The following AUTS2 variants were observed in gnomAD, a reference collection of about 807,000 sequenced individuals.
AUTS2 encodes the protein autism susceptibility gene 2 protein.
AUTS2 carries 17 observed loss-of-function variants against 112.4 expected under a neutral mutation model. The ratio of observed to expected loss-of-function variants is 0.15; its 90% CI spans 0.10 to 0.23. AUTS2 has a LOEUF of 0.23. Among genes scored for constraint, AUTS2 ranks in the 10% least tolerant of loss-of-function variants. The pLI, the probability that AUTS2 is intolerant of heterozygous loss-of-function variation, is 1.00. For missense variants in AUTS2, 1,510 were observed against 1,701.6 expected (o/e 0.89, Z 1.98); for synonymous variants, 751 against 702.7 (o/e 1.07, Z -1.09).
chr7:70,017,923 A>G (rs776123410), intron 2 of AUTS2, among the ~76,000 whole-genome samples: 2 of 151,056 alleles, frequency 1.3e-5, no homozygotes, highest in Non-Finnish European at 2.9e-5. Flanking sequence ...GATGTTGACA[A>G]TTTTGAAAGA....
At chr7:70,619,295 G>T (rs1018695530) in intron 5 of AUTS2, among the ~76,000 whole-genome samples, 1 of 152,194 alleles carries the variant, frequency 6.6e-6, no homozygotes, top group Non-Finnish European at 1.5e-5. Context: ...TATCCTTCAC[G>T]GAAAGGCAGA....
chr7:69,660,157 G>T (rs1795728808), intron 1 of AUTS2, among the ~76,000 whole-genome samples: 1 of 152,174 alleles, frequency 6.6e-6, no homozygotes, highest in Admixed American at 6.5e-5. Context: ...CTTTGGGTTT[G>T]TTGGAAGACT....
rs79079770 is a variant in AUTS2 at position 70,390,603 on chromosome 7, A to T, written c.661-45149A>T. Among the ~76,000 whole-genome samples, 4 of 151,984 alleles carry T rather than the reference A, an allele frequency of 2.6e-5. No homozygotes were observed. In the South Asian group the frequency reaches 6.2e-4, roughly 24 times the overall value. ...GACTTGAAATGTTATAATTACAGGC[A>T]TGAGGAGAGTTGAAGGAAAACAAAT... On this transcript the variant is annotated intron_variant, in intron 4 of 18. Coordinates refer to ENST00000342771, the MANE Select transcript of AUTS2 (RefSeq NM_015570.4).
At chr7:69,647,460 C>T (rs951122841) in intron 1 of AUTS2, among the ~76,000 whole-genome samples, 6 of 152,016 alleles carry the variant, frequency 3.9e-5, no homozygotes, top group African/African-American at 1.4e-4. Flanking sequence ...GAGTGATCCT[C>T]CCATCTCAGC....
chr7:70,367,142 C>T (rs538403506), intron 4 of AUTS2, among the ~76,000 whole-genome samples: 5 of 152,080 alleles, frequency 3.3e-5, no homozygotes, highest in African/African-American at 7.2e-5. Flanking sequence ...AAAAATTAGC[C>T]GGGTGTGGTC....
chr7:70,152,284 G>A (rs780643758), intron 4 of AUTS2, among the ~76,000 whole-genome samples: 3 of 152,014 alleles, frequency 2.0e-5, no homozygotes, highest in Non-Finnish European at 2.9e-5. Context: ...GATGAAAATA[G>A]TGCAGAACAT....
chr7:70,730,228 T>C (rs201165857), intron 6 of AUTS2, among the ~76,000 whole-genome samples: 2 of 143,108 alleles, frequency 1.4e-5, no homozygotes, highest in Non-Finnish European at 3.0e-5. Context: ...TTTTTTTTTT[T>C]GTTTTTTGTT....
chr7:70,277,974 G>A (rs1788016960), intron 4 of AUTS2, among the ~76,000 whole-genome samples: 1 of 151,862 alleles, frequency 6.6e-6, no homozygotes, highest in African/African-American at 2.4e-5. Flanking sequence ...GTGTGTGTGT[G>A]TGTGTGTGTA....
intron 1 of AUTS2, among the ~76,000 whole-genome samples, chr7:69,648,447 G>A (rs1175116173): frequency 2.1e-5 from 3 of 145,264 alleles, no homozygotes; most frequent in African/African-American, 2.6e-5. Context: ...TTAGAATTCA[G>A]TAACTTTAAA....
At chr7:70,088,605 G>GT (rs150675458) in intron 2 of AUTS2, among the ~76,000 whole-genome samples, 11,396 of 146,008 alleles carry the variant, frequency 0.078, 567 homozygotes, top group Middle Eastern at 0.13. Context: ...TTGTTTGTTT[G>GT]TTTGTTTTGT....
intron 4 of AUTS2, among the ~76,000 whole-genome samples, chr7:70,371,241 T>A (rs188737090): frequency 1.3e-5 from 2 of 152,344 alleles, no homozygotes; most frequent in Admixed American, 1.3e-4. Context: ...ATAAGAATGT[T>A]TGGGGATATA....
chr7:69,862,130 C>T (rs1384782902), intron 1 of AUTS2, among the ~76,000 whole-genome samples: 1 of 152,192 alleles, frequency 6.6e-6, no homozygotes, highest in African/African-American at 2.4e-5. Context: ...TATTTTACCT[C>T]CTGATGTCTG....
At chr7:70,585,080 G>A (rs1802620113) in intron 5 of AUTS2, among the ~76,000 whole-genome samples, 1 of 152,148 alleles carries the variant, frequency 6.6e-6, no homozygotes, top group African/African-American at 2.4e-5. Context: ...AAATCTGAGG[G>A]GTGTGTTGGT....
intron 1 of AUTS2, among the ~76,000 whole-genome samples, chr7:69,765,400 G>A (rs1788375374): frequency 6.6e-6 from 1 of 152,104 alleles, no homozygotes; most frequent in African/African-American, 2.4e-5. Context: ...AGCCTTTGAG[G>A]TCAGATGGGG....
chr7:69,951,040 GAGA>G (rs1332194846), intron 2 of AUTS2, among the ~76,000 whole-genome samples: 1 of 152,108 alleles, frequency 6.6e-6, no homozygotes, highest in Non-Finnish European at 1.5e-5. Context: ...GGTGGATTTG[GAGA>G]AGGTTATAGC....
At chr7:70,500,620 G>A (rs1000409374) in intron 5 of AUTS2, among the ~76,000 whole-genome samples, 5 of 152,100 alleles carry the variant, frequency 3.3e-5, no homozygotes, top group African/African-American at 1.2e-4. Flanking sequence ...GTTCTACCAC[G>A]CCTTTCATTT....
intron 1 of AUTS2, among the ~76,000 whole-genome samples, chr7:69,753,881 A>C (rs535558534): frequency 6.6e-6 from 1 of 152,286 alleles, no homozygotes; most frequent in South Asian, 2.1e-4. Context: ...CAGGCCATGC[A>C]TGGGGGCTTG....
intron 1 of AUTS2, among the ~76,000 whole-genome samples, chr7:69,866,246 G>C (rs892051064): frequency 6.6e-6 from 1 of 152,094 alleles, no homozygotes; most frequent in African/African-American, 2.4e-5. Flanking sequence ...AAACCTCCCA[G>C]TCCTGGTGAT....
chr7:70,031,389 C>G (rs1271239201), intron 2 of AUTS2, among the ~76,000 whole-genome samples: 1 of 152,124 alleles, frequency 6.6e-6, no homozygotes. Context: ...TAGCTGTTGA[C>G]CTTCCCTTTC....
Sources: gnomAD v4.1 joint callset for allele counts (sites outside exome capture counted in the v4.1 genomes callset) on GRCh38, gnomAD v4.1.1 for gene constraint, MANE v1.5 for transcripts, NCBI Gene and HGNC (gene_info 2026-07-23, HGNC 2026-07-21) for gene names.